The following GPBP1 variants were observed in gnomAD, a reference collection of about 807,000 sequenced individuals.
GPBP1 encodes the protein GC-rich promoter binding protein 1, also known as vasculin.
In GPBP1, 13 loss-of-function variants were observed where a neutral mutation model predicts 56.5. The observed-to-expected ratio is 0.23, with a 90% CI of 0.15 to 0.37. The LOEUF (loss-of-function observed/expected upper bound fraction) is 0.37. Among genes scored for constraint, GPBP1 ranks in the 10% least tolerant of loss-of-function variants. GPBP1 has a pLI of 1.00. For missense variants in GPBP1, 477 were observed against 572.3 expected (o/e 0.83, Z 1.70); for synonymous variants, 204 against 188.9 (o/e 1.08, Z -0.66).
At position 57,214,121 on chromosome 5, in the gene GPBP1, C is replaced by T; in HGVS notation, c.-10C>T. The T allele has an allele frequency of 6.2e-7, 1 of 1,612,844 alleles. No homozygotes were observed. Among genetic ancestry groups the T allele is most frequent in the Non-Finnish European group, 8.5e-7 (1 of 1,178,852 alleles). ...GCCTTGTTTCACTGAGTTGGAGAGA[C>T]TGGACCTAAATGGCGCAGCATGACT... On this transcript the variant is annotated 5_prime_UTR_variant, in exon 3 of 12. Coordinates refer to ENST00000506184, the MANE Select transcript of GPBP1 (RefSeq NM_022913.4).
intron 3 of GPBP1, chr5:57,221,292 T>C: frequency 1.2e-6 from 1 of 853,126 alleles, no homozygotes; most frequent in Admixed American, 2.6e-5. Flanking sequence ...TGTGGCGCAC[T>C]AGTTTTTTCT....
At chr5:57,251,576 T>TC (rs200911438) in intron 10 of GPBP1, among the ~76,000 whole-genome samples, 4 of 126,166 alleles carry the variant, frequency 3.2e-5, no homozygotes, top group African/African-American at 1.2e-4. Context: ...TTTCCACCTC[T>TC]TTTTTTTTTT....
intron 2 of GPBP1, among the ~76,000 whole-genome samples, chr5:57,193,434 G>A (rs929783721): frequency 1.3e-5 from 2 of 151,344 alleles, no homozygotes; most frequent in Admixed American, 6.6e-5. Flanking sequence ...GCAACATGAT[G>A]AAACCCCATC....
intron 5 of GPBP1, among the ~76,000 whole-genome samples, chr5:57,234,196 G>C (rs1756574051): frequency 6.6e-6 from 1 of 152,062 alleles, no homozygotes; most frequent in Non-Finnish European, 1.5e-5. Context: ...TATTAAAATT[G>C]ATTTTATTTA....
chr5:57,254,913 A>T (rs927017976), intron 10 of GPBP1, among the ~76,000 whole-genome samples: 1 of 152,232 alleles, frequency 6.6e-6, no homozygotes, highest in Non-Finnish European at 1.5e-5. Context: ...TTGCCTCCCA[A>T]ATTGTGGAAC....
At chr5:57,208,655 C>CTTTTTTTTTTTTTTTT in intron 2 of GPBP1, among the ~76,000 whole-genome samples, 1 of 119,072 alleles carries the variant, frequency 8.4e-6, no homozygotes, top group Non-Finnish European at 1.7e-5. Flanking sequence ...TTTTGTTTTT[C>CTTTTTTTTTTTTTTTT]TTTTTTTTTT....
intron 2 of GPBP1, among the ~76,000 whole-genome samples, chr5:57,197,391 C>T (rs1754812673): frequency 7.5e-6 from 1 of 133,916 alleles, no homozygotes; most frequent in Admixed American, 8.6e-5. Context: ...CAGTCTCGCT[C>T]CGTCGCTCAT....
chr5:57,241,130 G>C (rs1020119191), intron 6 of GPBP1, among the ~76,000 whole-genome samples: 1 of 152,158 alleles, frequency 6.6e-6, no homozygotes, highest in Non-Finnish European at 1.5e-5. Flanking sequence ...TAGGTAGTGG[G>C]CCAAAGAATG....
chr5:57,221,586 T>G (rs1755961005), intron 3 of GPBP1, among the ~76,000 whole-genome samples: 1 of 152,184 alleles, frequency 6.6e-6, no homozygotes, highest in Non-Finnish European at 1.5e-5. Context: ...AATAGAAAGT[T>G]GGAGATTTTT....
intron 6 of GPBP1, among the ~76,000 whole-genome samples, chr5:57,239,800 A>G (rs541420584): frequency 7.9e-5 from 12 of 152,214 alleles, no homozygotes; most frequent in Non-Finnish European, 1.5e-4. Flanking sequence ...TTAGAAACCA[A>G]CAACATTCAA....
At chr5:57,235,008 A>T (rs1307185099) in intron 5 of GPBP1, among the ~76,000 whole-genome samples, 1 of 152,140 alleles carries the variant, frequency 6.6e-6, no homozygotes, top group Non-Finnish European at 1.5e-5. Flanking sequence ...TGAAAAAAAA[A>T]ATTAAAATTA....
At chr5:57,242,173 C>T (rs962608625) in intron 6 of GPBP1, among the ~76,000 whole-genome samples, 4 of 152,138 alleles carry the variant, frequency 2.6e-5, no homozygotes, top group Non-Finnish European at 4.4e-5. Context: ...TACCAGTCAA[C>T]CTAAAATTCT....
Position 57,247,225 on chromosome 5 carries a change from T to TA in GPBP1, c.804+15dup, listed in dbSNP as rs1375769662. Reference sequence around the variant, plus strand: ...AAATTCAGTGAAAGAGGTATGACATTAAAAATCACACTTGAGGAATGTAAC... The same window carrying TA: ...AAATTCAGTGAAAGAGGTATGACATTAAAAAATCACACTTGAGGAATGTAAC... On this transcript the variant is annotated intron_variant, in intron 8 of 11. Coordinates refer to ENST00000506184, the MANE Select transcript of GPBP1 (RefSeq NM_022913.4). 4 of 1,600,890 alleles carry TA rather than the reference T, an allele frequency of 2.5e-6. No individual in the cohort carries two copies. Among genetic ancestry groups the TA allele is most frequent in the South Asian group, 2.2e-5 (2 of 89,122 alleles).
intron 6 of GPBP1, among the ~76,000 whole-genome samples, chr5:57,240,095 T>TA (rs1740752770): frequency 6.6e-6 from 1 of 151,776 alleles, no homozygotes; most frequent in South Asian, 2.1e-4. Flanking sequence ...AAATAAAAAA[T>TA]AAAAAATTAA....
intron 3 of GPBP1, among the ~76,000 whole-genome samples, chr5:57,229,503 TC>T (rs376405275): frequency 6.7e-6 from 1 of 148,248 alleles, no homozygotes; most frequent in Non-Finnish European, 1.5e-5. Context: ...TTTTCCTTTT[TC>T]CTTTTTCTTT....
At chr5:57,206,092 CTGTT>C (rs953733345) in intron 2 of GPBP1, among the ~76,000 whole-genome samples, 16 of 152,028 alleles carry the variant, frequency 1.1e-4, no homozygotes, top group Admixed American at 3.3e-4. Flanking sequence ...ATTGAGTTGT[CTGTT>C]TGTTGTTGAG....
intron 10 of GPBP1, among the ~76,000 whole-genome samples, chr5:57,255,637 A>G (rs1298943269): frequency 6.6e-6 from 1 of 152,236 alleles, no homozygotes; most frequent in South Asian, 2.1e-4. Flanking sequence ...CCTAGAATCT[A>G]TTCATTAAGG....
intron 2 of GPBP1, among the ~76,000 whole-genome samples, chr5:57,177,167 C>G (rs1038164129): frequency 1.3e-5 from 2 of 151,938 alleles, no homozygotes; most frequent in Admixed American, 6.6e-5. Context: ...AGTTTGTAAG[C>G]AAAGCTTTTT....
At chr5:57,260,467 G>A (rs942847012) in intron 10 of GPBP1, among the ~76,000 whole-genome samples, 1 of 152,122 alleles carries the variant, frequency 6.6e-6, no homozygotes, top group Non-Finnish European at 1.5e-5. Context: ...GATTTTAGCA[G>A]AATTCATGTT....
Sources: gnomAD v4.1 joint callset for allele counts (sites outside exome capture counted in the v4.1 genomes callset) on GRCh38, gnomAD v4.1.1 for gene constraint, MANE v1.5 for transcripts, NCBI Gene and HGNC (gene_info 2026-07-23, HGNC 2026-07-21) for gene names.